Variants in H3C6 observed in about 807,000 individuals in gnomAD.
The protein encoded by H3C6 is H3 clustered histone 6, also known as histone H3.1.
A neutral mutation model predicts 8.0 loss-of-function variants in H3C6; 17 were observed. That is an observed-to-expected ratio of 2.13 (90% CI 1.46 to 3.19). The LOEUF is 3.19. Ranked by LOEUF, H3C6 falls within the 30% of genes most tolerant of loss-of-function variation. The pLI is 0.00. For missense variants in H3C6, 298 were observed against 193.8 expected (o/e 1.54, Z -3.19); for synonymous variants, 169 against 78.0 (o/e 2.17, Z -6.15).
At chr6:26,227,058 G>T (rs1379564836), downstream of H3C6, 9 of 152,172 alleles carry the variant, frequency 5.9e-5, no homozygotes, top group Admixed American at 5.9e-4. Context: ...AAGTCCTGGA[G>T]ATTTATGGAA....
Position 26,225,149 on chromosome 6 carries a change from T to C in H3C6, c.-6T>C, listed in dbSNP as rs980650635. The C allele has an allele frequency of 3.9e-6, 6 of 1,535,988 alleles. No individual in the cohort carries two copies. The highest frequency in any genetic ancestry group is 4.4e-6 in the Non-Finnish European group (5 of 1,144,132). ...CTTCCTAACTCATTTACTTTGCAGA[T>C]GAACTATGGCGCGTACTAAGCAGAC... On this transcript the variant is annotated 5_prime_UTR_variant, in exon 1 of 1. It removes an upstream start codon present in the reference 5' UTR. Coordinates refer to ENST00000614911, the MANE Select transcript of H3C6 (RefSeq NM_003532.3).
upstream of H3C6, chr6:26,224,423 C>T (rs1052847421): frequency 6.6e-6 from 1 of 152,210 alleles, no homozygotes; most frequent in African/African-American, 2.4e-5. Context: ...AGAGAAACAA[C>T]CTTCTAACAC....
chr6:26,226,973 A>G (rs1759586908), downstream of H3C6: 1 of 152,216 alleles, frequency 6.6e-6, no homozygotes, highest in Admixed American at 6.5e-5. Context: ...CACTAAGGAA[A>G]GAGGTTAGTC....
downstream of H3C6, chr6:26,225,647 G>A (rs1759529126): frequency 6.7e-6 from 10 of 1,483,976 alleles, no homozygotes; most frequent in Non-Finnish European, 7.3e-6. Context: ...GTAATCCTTT[G>A]AGACGCATTA....
In H3C6 at chr6:26,225,470, G is replaced by A; in HGVS notation, c.316G>A (p.Glu106Lys). ...ACEAYLVGLF[E>K]DTNLCAIHAK... Reference sequence around the variant, plus strand: ...CGAGGCCTACTTGGTGGGGCTTTTCGAGGACACCAACCTGTGCGCTATTCA... The same window carrying A: ...CGAGGCCTACTTGGTGGGGCTTTTCAAGGACACCAACCTGTGCGCTATTCA... The change falls in exon 1 of 1, where the codon GAG (glutamate) becomes AAG (lysine). Residue 106 changes from glutamate (E) to lysine (K), a missense_variant. Transcript: ENST00000614911. The A allele has an allele frequency of 6.2e-7, 1 of 1,614,244 alleles. No homozygotes were observed. The highest frequency in any genetic ancestry group is 8.5e-7 in the Non-Finnish European group (1 of 1,180,048).
At chr6:26,226,996 T>G (rs1033771991), downstream of H3C6, 2 of 152,166 alleles carry the variant, frequency 1.3e-5, no homozygotes, top group African/African-American at 4.8e-5. Context: ...GTGGTAAAAT[T>G]AATAGTGACA....
Position 26,225,352 on chromosome 6 carries a change from G to A in H3C6, c.198G>A (p.Leu66=). 2 of 1,614,250 alleles carry A rather than the reference G, an allele frequency of 1.2e-6. No individual in the cohort carries two copies. Among genetic ancestry groups the A allele is most frequent in the Non-Finnish European group, 1.7e-6 (2 of 1,180,040 alleles). ...QKSTELLIRK[L]PFQRLVREIA... The stretch of plus-strand genomic sequence containing the variant: ...CTACCGAGCTTCTAATCCGGAAGCT[G>A]CCGTTTCAGCGCCTGGTGCGAGAAA... The change falls in exon 1 of 1, where the codon CTG becomes CTA. Residue 66 remains leucine (L), a synonymous_variant. Coordinates refer to ENST00000614911, the MANE Select transcript of H3C6 (RefSeq NM_003532.3).
chr6:26,225,676 A>G, downstream of H3C6: 2 of 1,250,370 alleles, frequency 1.6e-6, no homozygotes, highest in Non-Finnish European at 1.1e-6. Flanking sequence ...AACTGCACTG[A>G]TCCAAATAGA....
At chr6:26,224,605 A>G (rs915946739), upstream of H3C6, among the ~76,000 whole-genome samples, 1 of 152,258 alleles carries the variant, frequency 6.6e-6, no homozygotes, top group African/African-American at 2.4e-5. Flanking sequence ...GAATTTTACT[A>G]TAACACAAAT....
chr6:26,226,479 C>T (rs182850646), downstream of H3C6: 665 of 152,550 alleles, frequency 4.4e-3, 4 homozygotes, highest in Non-Finnish European at 6.9e-3. Context: ...GCAACCTCCG[C>T]CTCCCGGGTT....
upstream of H3C6, chr6:26,224,964 A>T: frequency 3.5e-6 from 2 of 577,726 alleles, no homozygotes; most frequent in Non-Finnish European, 5.9e-6. Flanking sequence ...TGAAAGAGCC[A>T]GTTCTCTATC....
upstream of H3C6, chr6:26,225,023 A>G: frequency 1.0e-6 from 1 of 960,490 alleles, no homozygotes; most frequent in African/African-American, 1.7e-5. Flanking sequence ...CCAATCGTGA[A>G]TCTCTACGGC....
At position 26,225,178 on chromosome 6, in the gene H3C6, T is replaced by C. The variant is rs147572733; in HGVS notation, c.24T>C (p.Ala8=). Residue 8 remains alanine (A), a synonymous_variant, in exon 1 of 1, where the codon GCT becomes GCC. Transcript: ENST00000614911. ...CTATGGCGCGTACTAAGCAGACGGC[T>C]CGTAAATCCACAGGCGGTAAAGCAC... is the stretch of plus-strand genomic sequence containing the variant. The part of the protein sequence containing the change: MARTKQT[A]RKSTGGKAPR... 1 of 1,577,604 alleles carries C rather than the reference T, an allele frequency of 6.3e-7. No homozygotes were observed. The highest frequency in any genetic ancestry group is 8.6e-7 in the Non-Finnish European group (1 of 1,163,740).
Position 26,225,520 on chromosome 6 carries a change from TAA to T in H3C6, c.368_369del (p.Lys123ArgfsTer22). 6.2e-7 allele frequency: 1 copy of T among 1,614,126 alleles called. No homozygotes were observed. Among genetic ancestry groups the T allele is most frequent in the Non-Finnish European group, 8.5e-7 (1 of 1,179,978 alleles). Reference sequence around the variant, plus strand: ...ATGCCAAACGCGTGACCATCATGCCTAAAGACATCCAGCTTGCCCGCCGCATT... The same window carrying T: ...ATGCCAAACGCGTGACCATCATGCCTAGACATCCAGCTTGCCCGCCGCATT... ...IHAKRVTIMP[K>X]DIQLARRIRG... On this transcript the variant is annotated frameshift_variant, in exon 1 of 1. Coordinates refer to ENST00000614911, the MANE Select transcript of H3C6 (RefSeq NM_003532.3). LOFTEE classifies it high-confidence loss of function.
At chr6:26,226,019 A>C (rs1297505225), downstream of H3C6, 2 of 156,596 alleles carry the variant, frequency 1.3e-5, no homozygotes, top group African/African-American at 4.8e-5. Flanking sequence ...ACCTTGCCCG[A>C]GGGGCCAGCG....
chr6:26,227,293 A>T (rs1171967174), downstream of H3C6: 1 of 152,132 alleles, frequency 6.6e-6, no homozygotes, highest in African/African-American at 2.4e-5. Context: ...ACAAGTTTTA[A>T]CCTGTATTTC....
rs765530502 is a variant in H3C6, at chr6:26,225,527, A to T, written c.373A>T (p.Ile125Phe). Residue 125 changes from isoleucine (I) to phenylalanine (F), a missense_variant, in exon 1 of 1, where the codon ATC (isoleucine) becomes TTC (phenylalanine). Coordinates refer to ENST00000614911, the MANE Select transcript of H3C6 (RefSeq NM_003532.3). ...AKRVTIMPKD[I>F]QLARRIRGER... Reference sequence around the variant, plus strand: ...ACGCGTGACCATCATGCCTAAAGACATCCAGCTTGCCCGCCGCATTCGTGG... The same window carrying T: ...ACGCGTGACCATCATGCCTAAAGACTTCCAGCTTGCCCGCCGCATTCGTGG... 6.2e-7 allele frequency: 1 copy of T among 1,613,990 alleles called. No homozygotes were observed. The highest frequency in any genetic ancestry group is 1.6e-4 in the Middle Eastern group (1 of 6,062).
At chr6:26,225,113 G>A (rs777687953), upstream of H3C6, 10 of 1,519,378 alleles carry the variant, frequency 6.6e-6, no homozygotes, top group East Asian at 9.1e-5. Flanking sequence ...TATATAGAGG[G>A]GCAAACCAAT....
At position 26,225,400 on chromosome 6, in the gene H3C6, C is replaced by T. The variant is rs555118323; in HGVS notation, c.246C>T (p.Asp82=). ...VREIAQDFKT[D]LRFQSSAVMA... ...AAATAGCTCAGGACTTCAAGACCGACCTGCGCTTCCAGAGTTCCGCGGTGA... is the reference window on the plus strand; with the variant it reads ...AAATAGCTCAGGACTTCAAGACCGATCTGCGCTTCCAGAGTTCCGCGGTGA... The change falls in exon 1 of 1, where the codon GAC becomes GAT. Residue 82 remains aspartate, a synonymous_variant. Transcript: ENST00000614911. 9 of 1,614,262 alleles carry T rather than the reference C, an allele frequency of 5.6e-6. No individual in the cohort carries two copies. Among genetic ancestry groups the T allele is most frequent in the South Asian group, 3.3e-5 (3 of 91,092 alleles).
Sources: gnomAD v4.1 joint callset for allele counts (sites outside exome capture counted in the v4.1 genomes callset) on GRCh38, gnomAD v4.1.1 for gene constraint, MANE v1.5 for transcripts, NCBI Gene and HGNC (gene_info 2026-07-23, HGNC 2026-07-21) for gene names.